MRPS28: variants seen among roughly 807,000 people sequenced by gnomAD.
MRPS28 encodes small ribosomal subunit protein bS1m.
In MRPS28, 7 loss-of-function variants were observed where a neutral mutation model predicts 10.8. The ratio of observed to expected loss-of-function variants is 0.65; its 90% CI spans 0.37 to 1.22. MRPS28 has a LOEUF of 1.22. Among genes scored for constraint, MRPS28 ranks in the 50% most tolerant of loss-of-function variants. The pLI, the probability that MRPS28 is intolerant of heterozygous loss-of-function variation, is 0.02. For missense variants in MRPS28, 265 were observed against 232.9 expected, an observed-to-expected ratio of 1.14 and a Z score of -0.90; for synonymous variants, 121 against 93.3, an observed-to-expected ratio of 1.30 and a Z score of -1.71.
intron 2 of MRPS28, among the ~76,000 whole-genome samples, chr8:79,978,741 T>TTATTTATG (rs1807869695): frequency 6.6e-6 from 1 of 152,160 alleles, no homozygotes; most frequent in African/African-American, 2.4e-5. Context: ...AATACGCAGT[T>TTATTTATG]TCCAAGAATT....
At chr8:79,935,399 G>A (rs1245410210) in intron 2 of MRPS28, among the ~76,000 whole-genome samples, 1 of 151,764 alleles carries the variant, frequency 6.6e-6, no homozygotes, top group Non-Finnish European at 1.5e-5. Context: ...CTGTGTGATT[G>A]CTTGGTAAGG....
At chr8:79,966,611 G>A (rs1215122355) in intron 2 of MRPS28, among the ~76,000 whole-genome samples, 3 of 151,866 alleles carry the variant, frequency 2.0e-5, no homozygotes, top group African/African-American at 7.2e-5. Flanking sequence ...TCTAGAAAAC[G>A]GTATGAAAAA....
chr8:80,022,506 G>A (rs898411841), intron 1 of MRPS28, among the ~76,000 whole-genome samples: 5 of 152,178 alleles, frequency 3.3e-5, no homozygotes, highest in Non-Finnish European at 5.9e-5. Flanking sequence ...TTGGGTAGCT[G>A]GCCAGAGGCC....
chr8:79,924,951 T>C (rs1333335641), intron 2 of MRPS28, among the ~76,000 whole-genome samples: 4 of 152,196 alleles, frequency 2.6e-5, no homozygotes, highest in Non-Finnish European at 5.9e-5. Context: ...AGTGGCTAAT[T>C]ATTTAAACTA....
At position 79,918,785 on chromosome 8, in the gene MRPS28, G is replaced by A. The variant is rs59038223; in HGVS notation, c.*195C>T. 2.4e-3 allele frequency: 640 copies of A among 271,566 alleles called. 5 individuals carry two copies. Among genetic ancestry groups the A allele is most frequent in the African/African-American group, 0.017 (592 of 34,290 alleles). 16.8% of individuals were successfully genotyped at this position (271,566 alleles called of 1,614,324 possible). On this transcript the variant is annotated 3_prime_UTR_variant, in exon 3 of 3. Transcript: ENST00000276585. ...TACAGTGTATACTATCCCCACCAAA[G>A]GAAAAAAACATTAAGAGCAAAACAA...
At chr8:80,007,555 A>G (rs898809292) in intron 1 of MRPS28, among the ~76,000 whole-genome samples, 1 of 152,236 alleles carries the variant, frequency 6.6e-6, no homozygotes, top group Admixed American at 6.5e-5. Context: ...CCTTAAGCTG[A>G]TAAGAAACTT....
intron 2 of MRPS28, among the ~76,000 whole-genome samples, chr8:79,994,570 G>A (rs76690801): frequency 0.017 from 2,613 of 151,810 alleles, 74 homozygotes; most frequent in African/African-American, 0.058. Context: ...ACTGCTAAAT[G>A]TGTCTCCTTT....
At chr8:79,938,580 AAAC>A (rs944653079) in intron 2 of MRPS28, among the ~76,000 whole-genome samples, 142 of 152,282 alleles carry the variant, frequency 9.3e-4, no homozygotes, top group African/African-American at 3.3e-3. Flanking sequence ...CCAGATTAAA[AAAC>A]AACAACAACA....
rs1224107926 is a variant in MRPS28 at position 79,958,899 on chromosome 8, G to A, written c.396-39751C>T. Among the ~76,000 whole-genome samples the A allele has an allele frequency of 3.3e-5, 5 of 152,124 alleles. 1 individual carries two copies. In the South Asian group the frequency reaches 8.3e-4, roughly 25 times the overall value. ...ACTGAGTTTAGTAAGAATTTACTGT[G>A]AGTCTTGTACCAACACTGCCTTAAA... is the stretch of plus-strand genomic sequence containing the variant. On this transcript the variant is annotated intron_variant, in intron 2 of 2. Coordinates refer to ENST00000276585, the MANE Select transcript of MRPS28 (RefSeq NM_014018.3).
At chr8:79,962,808 G>C (rs576919501) in intron 2 of MRPS28, among the ~76,000 whole-genome samples, 5 of 152,210 alleles carry the variant, frequency 3.3e-5, no homozygotes, top group African/African-American at 1.2e-4. Context: ...TAGTATAAAA[G>C]TGATTCTTCT....
chr8:79,969,233 G>A (rs1807571422), intron 2 of MRPS28, among the ~76,000 whole-genome samples: 1 of 152,266 alleles, frequency 6.6e-6, no homozygotes, highest in East Asian at 1.9e-4. Context: ...AAAGATGACT[G>A]AGGATAATGT....
At chr8:79,927,785 T>C (rs1165480593) in intron 2 of MRPS28, among the ~76,000 whole-genome samples, 2 of 152,180 alleles carry the variant, frequency 1.3e-5, no homozygotes, top group Non-Finnish European at 2.9e-5. Flanking sequence ...TGGATCCCTT[T>C]TGGAAAGCCA....
chr8:79,940,278 AT>A (rs1351019268), intron 2 of MRPS28, among the ~76,000 whole-genome samples: 1 of 152,198 alleles, frequency 6.6e-6, no homozygotes, highest in Non-Finnish European at 1.5e-5. Flanking sequence ...AGCTGTTATT[AT>A]AGGATTCTTA....
At chr8:79,978,729 T>C (rs1807868449) in intron 2 of MRPS28, among the ~76,000 whole-genome samples, 1 of 152,100 alleles carries the variant, frequency 6.6e-6, no homozygotes, top group Non-Finnish European at 1.5e-5. Flanking sequence ...AATAAATAAA[T>C]AAATACGCAG....
intron 2 of MRPS28, among the ~76,000 whole-genome samples, chr8:79,933,574 C>T (rs1192649762): frequency 2.0e-5 from 3 of 152,142 alleles, no homozygotes; most frequent in South Asian, 2.1e-4. Context: ...ATTAGTCACA[C>T]ATTATGTGCC....
chr8:79,992,886 A>G (rs12216785), intron 2 of MRPS28, among the ~76,000 whole-genome samples: 3,253 of 152,344 alleles, frequency 0.021, 54 homozygotes, highest in Non-Finnish European at 0.035. Flanking sequence ...TAGAGTAATA[A>G]CAAGGTTAAA....
intron 2 of MRPS28, among the ~76,000 whole-genome samples, chr8:79,973,857 A>G (rs1180320093): frequency 6.6e-6 from 1 of 151,982 alleles, no homozygotes; most frequent in Non-Finnish European, 1.5e-5. Flanking sequence ...AAAAAAAGAA[A>G]GAAAGAAAGT....
chr8:79,941,300 T>C (rs561959189), intron 2 of MRPS28, among the ~76,000 whole-genome samples: 2 of 152,314 alleles, frequency 1.3e-5, no homozygotes, highest in South Asian at 4.1e-4. Context: ...AATGTGGTAT[T>C]ACAACATCTT....
At chr8:80,021,403 C>T (rs1187941965) in intron 1 of MRPS28, among the ~76,000 whole-genome samples, 1 of 152,082 alleles carries the variant, frequency 6.6e-6, no homozygotes, top group Non-Finnish European at 1.5e-5. Context: ...AGTGGTATAT[C>T]GTGGGAGCAG....
Sources: allele counts gnomAD v4.1 joint callset (sites outside exome capture counted in the v4.1 genomes callset), GRCh38; gene constraint gnomAD v4.1.1; transcripts MANE v1.5; gene names NCBI Gene and HGNC (gene_info 2026-07-23, HGNC 2026-07-21).